TMEM176B: variants seen among roughly 807,000 people sequenced by gnomAD.
The protein encoded by TMEM176B is transmembrane protein 176B.
A neutral mutation model predicts 30.3 loss-of-function variants in TMEM176B; 28 were observed. That is an observed-to-expected ratio of 0.92 (90% CI 0.68 to 1.27). The LOEUF (loss-of-function observed/expected upper bound fraction) is 1.27. Among genes scored for constraint, TMEM176B ranks in the 50% most tolerant of loss-of-function variants. The pLI is 0.00. For missense variants in TMEM176B, 349 were observed against 327.4 expected, an observed-to-expected ratio of 1.07 and a Z score of -0.51; for synonymous variants, 123 against 130.3, an observed-to-expected ratio of 0.94 and a Z score of 0.38.
rs115972662 is a variant in TMEM176B, at chr7:150,795,706, G to A, written c.204+660C>T. On this transcript the variant is annotated intron_variant, in intron 2 of 6. Coordinates refer to ENST00000326442, the MANE Select transcript of TMEM176B (RefSeq NM_001101312.2). ...TGTTGCCCTACCTCTGGCTGGGACC[G>A]ACTCCTCTGTGCCAAAGAGGAGGTC... 2.2e-3 allele frequency among the ~76,000 whole-genome samples: 335 copies of A among 152,264 alleles called. 1 individual carries two copies. The highest frequency in any genetic ancestry group is 7.4e-3 in the African/African-American group (308 of 41,548).
chr7:150,792,597 C>T (rs974189782), intron 5 of TMEM176B, among the ~76,000 whole-genome samples: 2 of 152,172 alleles, frequency 1.3e-5, no homozygotes, highest in African/African-American at 2.4e-5. Context: ...TGCTGACAGC[C>T]CCCGCTGAGC....
At chr7:150,794,633 G>C (rs543167988) in intron 2 of TMEM176B, among the ~76,000 whole-genome samples, 1 of 151,872 alleles carries the variant, frequency 6.6e-6, no homozygotes, top group South Asian at 2.1e-4. Flanking sequence ...GTGGCTCAAG[G>C]GCCATCTCCA....
rs1388140620 is a variant in TMEM176B, at chr7:150,793,958, C to T, written c.315+3G>A. 2 of 1,594,004 alleles carry T rather than the reference C, an allele frequency of 1.3e-6. No homozygotes were observed. The highest frequency in any genetic ancestry group is 1.7e-6 in the Non-Finnish European group (2 of 1,171,882). ...CCAGGCTCACAGCCTGTTCCTTACT[C>T]ACCACAGACCCCGCCCAGAAGGCAC... On this transcript the variant is annotated splice_donor_region_variant and intron_variant, in intron 3 of 6. Transcript: ENST00000326442.
intron 5 of TMEM176B, 116 bp downstream of exon 5, chr7:150,792,972 A>G (rs1028890230): frequency 6.5e-6 from 6 of 920,562 alleles, no homozygotes; most frequent in Non-Finnish European, 1.0e-5. Flanking sequence ...CCTGAATGAA[A>G]GACCCAGCAT....
intron 4 of TMEM176B, 90 bp from the exon 5 acceptor site, chr7:150,793,405 G>C: frequency 6.6e-7 from 1 of 1,509,010 alleles, no homozygotes; most frequent in Non-Finnish European, 9.1e-7. Flanking sequence ...CTCTTCCCCA[G>C]CCCTTGTCCA....
At chr7:150,800,836 G>A (rs1293847438), upstream of TMEM176B, 1 of 817,730 alleles carries the variant, frequency 1.2e-6, no homozygotes. Context: ...CAGGTGAGGC[G>A]GCACCCCACT....
Position 150,793,974 on chromosome 7 carries a change from C to CA in TMEM176B, c.301dup (p.Trp101LeufsTer17), listed in dbSNP as rs777983084. On this transcript the variant is annotated frameshift_variant, in exon 3 of 7. Transcript: ENST00000326442. LOFTEE classifies it high-confidence loss of function. ...TTCCTTACTCACCACAGACCCCGCC[C>CA]AGAAGGCACAGCCTGAGGCACTCAG... is the stretch of plus-strand genomic sequence containing the variant. 1 of 1,609,058 alleles carries CA rather than the reference C, an allele frequency of 6.2e-7. No homozygotes were observed. The highest frequency in any genetic ancestry group is 8.5e-7 in the Non-Finnish European group (1 of 1,177,932).
At chr7:150,791,992 T>C in intron 6 of TMEM176B, 64 bp downstream of exon 6, 1 of 1,606,516 alleles carries the variant, frequency 6.2e-7, no homozygotes, top group South Asian at 1.1e-5. Context: ...CCCGCACTCC[T>C]ACCTGTCCCA....
chr7:150,793,466 A>C (rs1585273307), intron 4 of TMEM176B, 78 bp downstream of exon 4: 1 of 1,568,890 alleles, frequency 6.4e-7, no homozygotes, highest in Non-Finnish European at 8.7e-7. Context: ...TGACAACCAA[A>C]GGGCAGAAGA....
chr7:150,795,700 G>A (rs1376619874), intron 2 of TMEM176B, among the ~76,000 whole-genome samples: 1 of 152,188 alleles, frequency 6.6e-6, no homozygotes, highest in Non-Finnish European at 1.5e-5. Context: ...ACCTCTGGCT[G>A]GGACCGACTC....
At chr7:150,792,757 A>G (rs1798364591) in intron 5 of TMEM176B, among the ~76,000 whole-genome samples, 1 of 152,186 alleles carries the variant, frequency 6.6e-6, no homozygotes, top group Non-Finnish European at 1.5e-5. Context: ...GTGAGAAATA[A>G]TAAGTTGTCA....
chr7:150,793,052 T>C (rs1585271926), intron 5 of TMEM176B, 36 bp downstream of exon 5: 1 of 1,607,440 alleles, frequency 6.2e-7, no homozygotes. Context: ...AAAAGAGCTG[T>C]GATGGGTCCC....
chr7:150,796,164 A>G (rs975831417), intron 2 of TMEM176B, among the ~76,000 whole-genome samples: 4 of 152,168 alleles, frequency 2.6e-5, no homozygotes, highest in African/African-American at 9.7e-5. Flanking sequence ...GGCAATATGT[A>G]ACATTTCTCC....
upstream of TMEM176B, chr7:150,800,741 C>T (rs1279121495): frequency 7.5e-6 from 1 of 132,876 alleles, no homozygotes. Context: ...CGCCTCCCCT[C>T]CCCGCCTCCC....
chr7:150,798,874 C>G lies in TMEM176B; in HGVS notation c.-6+1424G>C, dbSNP rs188233517. The stretch of plus-strand genomic sequence containing the variant: ...GTTCTTTATCTATTCACAAAATTAC[C>G]GTTTGTGATATGAGTTTCAAATGTT... On this transcript the variant is annotated intron_variant, in intron 1 of 6. Coordinates refer to ENST00000326442, the MANE Select transcript of TMEM176B (RefSeq NM_001101312.2). Among the ~76,000 whole-genome samples, 215 of 152,050 alleles carry G rather than the reference C, an allele frequency of 1.4e-3. 1 individual carries two copies. Among genetic ancestry groups the G allele is most frequent in the African/African-American group, 4.7e-3 (193 of 41,466 alleles).
At chr7:150,801,066 A>G, upstream of TMEM176B, 1 of 905,898 alleles carries the variant, frequency 1.1e-6, no homozygotes, top group Non-Finnish European at 1.3e-6. Context: ...CAGTCGGTGG[A>G]GCGGGAGGTC....
chr7:150,799,835 G>A (rs943711504), intron 1 of TMEM176B, among the ~76,000 whole-genome samples: 1 of 152,214 alleles, frequency 6.6e-6, no homozygotes, highest in Non-Finnish European at 1.5e-5. Context: ...CCCGCCTGAA[G>A]AGTCGGATCT....
At chr7:150,797,940 T>C (rs1585282452) in intron 1 of TMEM176B, among the ~76,000 whole-genome samples, 1 of 152,350 alleles carries the variant, frequency 6.6e-6, no homozygotes, top group Non-Finnish European at 1.5e-5. Flanking sequence ...ATATTGTCAG[T>C]TATCCTCCAC....
intron 1 of TMEM176B, among the ~76,000 whole-genome samples, chr7:150,798,842 T>C (rs1413402973): frequency 6.6e-6 from 1 of 152,220 alleles, no homozygotes; most frequent in Non-Finnish European, 1.5e-5. Flanking sequence ...TGCTTTTTTC[T>C]ATGGAAGTTC....
Sources: allele counts gnomAD v4.1 joint callset (sites outside exome capture counted in the v4.1 genomes callset), GRCh38; gene constraint gnomAD v4.1.1; transcripts MANE v1.5; gene names NCBI Gene and HGNC (gene_info 2026-07-23, HGNC 2026-07-21).